The following CTNNA3 variants were observed in gnomAD, a reference collection of about 807,000 sequenced individuals.
CTNNA3 encodes catenin alpha 3.
A neutral mutation model predicts 95.7 loss-of-function variants in CTNNA3; 76 were observed. That is an observed-to-expected ratio of 0.79 (90% CI 0.66 to 0.96). The LOEUF is 0.96. Ranked by LOEUF, CTNNA3 falls within the 40% of genes least tolerant of loss-of-function variation. The pLI is 0.00. For synonymous variants in CTNNA3, 431 were observed against 374.4 expected (o/e 1.15, Z -1.74); for missense variants, 1,191 against 1,089.8 (o/e 1.09, Z -1.31).
chr10:67,015,652 T>C (rs906733062), intron 7 of CTNNA3, among the ~76,000 whole-genome samples: 1 of 152,320 alleles, frequency 6.6e-6, no homozygotes, highest in East Asian at 1.9e-4. Context: ...CTATCTAAAA[T>C]TGTCCTAGAA....
At chr10:66,415,159 G>A (rs949031401) in intron 11 of CTNNA3, among the ~76,000 whole-genome samples, 26 of 152,166 alleles carry the variant, frequency 1.7e-4, no homozygotes, top group Admixed American at 1.6e-3. Flanking sequence ...CATGGCCAGT[G>A]CCTGTACATG....
At chr10:67,220,696 A>G (rs527973557) in intron 5 of CTNNA3, among the ~76,000 whole-genome samples, 1 of 152,330 alleles carries the variant, frequency 6.6e-6, no homozygotes, top group South Asian at 2.1e-4. Context: ...ATAGCATTAC[A>G]TCAGAGAGAA....
intron 7 of CTNNA3, among the ~76,000 whole-genome samples, chr10:67,167,664 CAT>C (rs1210966503): frequency 6.6e-6 from 1 of 152,168 alleles, no homozygotes; most frequent in Non-Finnish European, 1.5e-5. Context: ...CAATCTATGA[CAT>C]ATAGAAAATT....
chr10:67,455,525 A>G lies in CTNNA3; in HGVS notation c.579+66317T>C, dbSNP rs564562962. ...GGTGAGGAAGTAACCTTGCAGTGGA[A>G]AAACCTGGCAAACACTACATTGGTC... On this transcript the variant is annotated intron_variant, in intron 5 of 17. Coordinates refer to ENST00000433211, the MANE Select transcript of CTNNA3 (RefSeq NM_013266.4). Among the ~76,000 whole-genome samples the G allele has an allele frequency of 3.9e-5, 6 of 152,262 alleles. No individual in the cohort carries two copies. The South Asian group carries it at 1.0e-3, about 26-fold the overall frequency.
intron 5 of CTNNA3, among the ~76,000 whole-genome samples, chr10:67,307,276 G>C (rs781400377): frequency 5.4e-4 from 82 of 152,264 alleles, no homozygotes; most frequent in Middle Eastern, 6.8e-3. Flanking sequence ...GTGTCTTATA[G>C]AAAAGTAAAG....
chr10:66,793,083 G>T (rs1841041119), intron 7 of CTNNA3, among the ~76,000 whole-genome samples: 1 of 152,070 alleles, frequency 6.6e-6, no homozygotes, highest in Non-Finnish European at 1.5e-5. Context: ...TATTTGTGTT[G>T]GATGTCCAAT....
intron 1 of CTNNA3, among the ~76,000 whole-genome samples, chr10:67,739,411 T>C (rs560051484): frequency 4.6e-5 from 7 of 151,958 alleles, no homozygotes; most frequent in Non-Finnish European, 8.8e-5. Flanking sequence ...GAAAACCCCA[T>C]TGTCTCAGCC....
chr10:66,361,713 T>C (rs2092677269), intron 12 of CTNNA3, among the ~76,000 whole-genome samples: 1 of 151,566 alleles, frequency 6.6e-6, no homozygotes, highest in South Asian at 2.1e-4. Context: ...GATTTTCTAA[T>C]TTTCTGTAGA....
chr10:65,937,418 A>T (rs1356049825), intron 17 of CTNNA3, among the ~76,000 whole-genome samples: 2 of 152,170 alleles, frequency 1.3e-5, no homozygotes, highest in Non-Finnish European at 2.9e-5. Context: ...CAACTTACTC[A>T]CCGTTTCTTT....
chr10:67,368,658 A>G (rs1843303133), intron 5 of CTNNA3, among the ~76,000 whole-genome samples: 1 of 152,240 alleles, frequency 6.6e-6, no homozygotes, highest in Admixed American at 6.5e-5. Flanking sequence ...TGGTATCCAT[A>G]CAATGGAATA....
intron 2 of CTNNA3, among the ~76,000 whole-genome samples, chr10:67,643,998 G>A (rs1442110864): frequency 6.6e-6 from 1 of 152,130 alleles, no homozygotes; most frequent in African/African-American, 2.4e-5. Context: ...AAACATACGT[G>A]TGCATGTGTA....
In CTNNA3 at chr10:66,173,496, G is replaced by A. The variant is rs145496420; in HGVS notation, c.1885-70247C>T. ...ACCCAGGAGTTTGAGACCAGCCTGG[G>A]CAAGATAATGAGACTCCATCTCTAC... On this transcript the variant is annotated intron_variant, in intron 13 of 17. Transcript: ENST00000433211. Among the ~76,000 whole-genome samples the A allele has an allele frequency of 1.1e-3, 171 of 152,064 alleles. 3 individuals are homozygous for A. In the East Asian group the frequency reaches 0.032, roughly 28 times the overall value.
chr10:66,619,579 G>A (rs2132311128), intron 10 of CTNNA3, among the ~76,000 whole-genome samples: 1 of 83,362 alleles, frequency 1.2e-5, no homozygotes, highest in South Asian at 6.5e-4. Flanking sequence ...GGGGGAGGGG[G>A]GAGGGATAGC....
chr10:67,439,676 C>G (rs1037025716), intron 5 of CTNNA3, among the ~76,000 whole-genome samples: 1 of 152,152 alleles, frequency 6.6e-6, no homozygotes, highest in Non-Finnish European at 1.5e-5. Context: ...CCATATCAGA[C>G]CCCCATTCCA....
chr10:66,391,476 A>C (rs989105736), intron 11 of CTNNA3, among the ~76,000 whole-genome samples: 1 of 152,132 alleles, frequency 6.6e-6, no homozygotes, highest in Non-Finnish European at 1.5e-5. Flanking sequence ...CAGACATTGC[A>C]ATCAGGCCCA....
chr10:66,288,526 A>G (rs1003597496), intron 12 of CTNNA3, among the ~76,000 whole-genome samples: 1 of 152,156 alleles, frequency 6.6e-6, no homozygotes, highest in Admixed American at 6.5e-5. Context: ...TGTTTAATAC[A>G]GTGGCCACCA....
intron 15 of CTNNA3, among the ~76,000 whole-genome samples, chr10:66,043,429 A>G (rs962601562): frequency 6.6e-6 from 1 of 152,136 alleles, no homozygotes; most frequent in Non-Finnish European, 1.5e-5. Flanking sequence ...TATACTTTGT[A>G]GCTATATTAA....
chr10:67,629,098 A>G (rs972086513), intron 2 of CTNNA3, among the ~76,000 whole-genome samples: 1 of 152,092 alleles, frequency 6.6e-6, no homozygotes, highest in Non-Finnish European at 1.5e-5. Context: ...TAAAAGACTG[A>G]AATGATTATT....
intron 5 of CTNNA3, among the ~76,000 whole-genome samples, chr10:67,513,851 A>G (rs891554212): frequency 6.6e-6 from 1 of 152,214 alleles, no homozygotes; most frequent in Non-Finnish European, 1.5e-5. Flanking sequence ...TCTTGGTTTC[A>G]GGATACAAAC....
Sources: allele counts gnomAD v4.1 joint callset (sites outside exome capture counted in the v4.1 genomes callset), GRCh38; gene constraint gnomAD v4.1.1; transcripts MANE v1.5; gene names NCBI Gene and HGNC (gene_info 2026-07-23, HGNC 2026-07-21).